The following AKAP13 variants were observed in gnomAD, a reference collection of about 807,000 sequenced individuals.
AKAP13 encodes the protein A-kinase anchoring protein 13.
A neutral mutation model predicts 264.5 loss-of-function variants in AKAP13; 80 were observed. The ratio of observed to expected loss-of-function variants is 0.30; its 90% CI spans 0.25 to 0.36. AKAP13 has a LOEUF of 0.36. Among genes scored for constraint, AKAP13 ranks in the 10% least tolerant of loss-of-function variants. AKAP13 has a pLI of 1.00. For missense variants in AKAP13, 3,712 were observed against 3,435.2 expected (o/e 1.08, Z -2.01); for synonymous variants, 1,380 against 1,250.2 (o/e 1.10, Z -2.19).
rs2086458725 is a variant in AKAP13 at position 85,708,727 on chromosome 15, T to C, written c.5532+641T>C. On this transcript the variant is annotated intron_variant, in intron 18 of 36. Coordinates refer to ENST00000394518, the MANE Select transcript of AKAP13 (RefSeq NM_007200.5). This position sits in a 1 kb window ranked among gnomAD's most constrained non-coding sequence, Gnocchi z 4.3. ...TGAGGTTTTCAATGTTCTAGTCGCC[T>C]GTAAGTGTCTCTTCATTCCTTGTCA... is the stretch of plus-strand genomic sequence containing the variant. 6.6e-6 allele frequency among the ~76,000 whole-genome samples: 1 copy of C among 152,218 alleles called. No individual in the cohort carries two copies. Among genetic ancestry groups the C allele is most frequent in the Admixed American group, 6.5e-5 (1 of 15,282 alleles).
At chr15:85,699,988 G>C (rs1200776178) in intron 17 of AKAP13, among the ~76,000 whole-genome samples, 1 of 152,224 alleles carries the variant, frequency 6.6e-6, no homozygotes, top group African/African-American at 2.4e-5. Context: ...GTTATAATGA[G>C]TGGCTGTACC....
At chr15:85,674,092 C>G (rs1017911842) in intron 14 of AKAP13, among the ~76,000 whole-genome samples, 3 of 151,554 alleles carry the variant, frequency 2.0e-5, no homozygotes, top group African/African-American at 7.3e-5. Context: ...TCCCTGGAAA[C>G]ACATTAGTGG....
intron 2 of AKAP13, among the ~76,000 whole-genome samples, chr15:85,512,651 A>G (rs1466669642): frequency 6.6e-6 from 1 of 152,138 alleles, no homozygotes; most frequent in African/African-American, 2.4e-5. Flanking sequence ...ACTCTCGGCT[A>G]CAGCTTTCTC....
chr15:85,685,594 C>G (rs955059898), intron 16 of AKAP13: 1 of 152,070 alleles, frequency 6.6e-6, no homozygotes, highest in Non-Finnish European at 1.5e-5. Context: ...AAGCAGTTTC[C>G]TGCCTCGCAC....
chr15:85,722,950 C>A, intron 25 of AKAP13, 122 bp from the exon 26 acceptor site: 1 of 1,320,596 alleles, frequency 7.6e-7, no homozygotes. Context: ...GACGTGTTGG[C>A]TTCCCTCTGA....
chr15:85,553,489 C>T (rs766730968), intron 5 of AKAP13, among the ~76,000 whole-genome samples: 1 of 152,318 alleles, frequency 6.6e-6, no homozygotes, highest in Non-Finnish European at 1.5e-5. Context: ...TGCACTATCT[C>T]TTAATATTCA....
intron 1 of AKAP13, among the ~76,000 whole-genome samples, chr15:85,446,655 A>G (rs1364930184): frequency 6.6e-6 from 1 of 152,080 alleles, no homozygotes; most frequent in African/African-American, 2.4e-5. Context: ...TGGTCTGGCC[A>G]AGTAAACATG....
intron 5 of AKAP13, among the ~76,000 whole-genome samples, chr15:85,558,969 C>T (rs1472389413): frequency 6.6e-6 from 1 of 151,782 alleles, no homozygotes; most frequent in Non-Finnish European, 1.5e-5. Context: ...CTTTGCCGTC[C>T]CCTCCCCCTC....
chr15:85,410,359 G>C (rs1274108560), intron 1 of AKAP13, among the ~76,000 whole-genome samples: 2 of 151,712 alleles, frequency 1.3e-5, no homozygotes, highest in East Asian at 3.9e-4. Flanking sequence ...TGGGTCATGA[G>C]AATGGCTTCA....
chr15:85,663,844 T>A (rs2083465739), intron 12 of AKAP13, among the ~76,000 whole-genome samples: 2 of 152,230 alleles, frequency 1.3e-5, no homozygotes, highest in Admixed American at 6.5e-5. Context: ...AAATGCCAAA[T>A]CCTGACTGCC....
chr15:85,467,949 T>C lies in AKAP13; in HGVS notation c.-11-17761T>C, dbSNP rs556745506. ...AGTTGAGGAGGACATTTTTGATGCC[T>C]GATTTCTGATATGTTCAAGTACTCA... is the stretch of plus-strand genomic sequence containing the variant. On this transcript the variant is annotated intron_variant, in intron 1 of 36. Coordinates refer to ENST00000394518, the MANE Select transcript of AKAP13 (RefSeq NM_007200.5). Among the ~76,000 whole-genome samples, 5 of 152,362 alleles carry C rather than the reference T, an allele frequency of 3.3e-5. 1 individual carries two copies. Among genetic ancestry groups the C allele is most frequent in the African/African-American group, 1.2e-4 (5 of 41,586 alleles).
intron 8 of AKAP13, among the ~76,000 whole-genome samples, chr15:85,638,408 T>C (rs927563406): frequency 1.3e-5 from 2 of 152,202 alleles, no homozygotes; most frequent in African/African-American, 4.8e-5. Flanking sequence ...TTTTATGTGA[T>C]AGAATATGAA....
At position 85,650,979 on chromosome 15, in the gene AKAP13, TG is replaced by T. The variant is rs1321335206; in HGVS notation, c.4375-4437del. Among the ~76,000 whole-genome samples, 3 of 151,982 alleles carry T rather than the reference TG, an allele frequency of 2.0e-5. No individual in the cohort carries two copies. The East Asian group carries it at 5.8e-4, about 29-fold the overall frequency. On this transcript the variant is annotated intron_variant, in intron 10 of 36. Transcript: ENST00000394518. ...TTCCAAGGCACATAGTAGAGTGCCT[TG>T]TGTATCATTACAAATAATAATAATA... is the stretch of plus-strand genomic sequence containing the variant.
intron 30 of AKAP13, among the ~76,000 whole-genome samples, chr15:85,732,070 G>A (rs898563315): frequency 1.5e-5 from 2 of 131,378 alleles, no homozygotes; most frequent in South Asian, 5.1e-4. Context: ...GCAACAGAGC[G>A]AGACTATCTC....
At chr15:85,571,974 G>A (rs1275151250) in intron 5 of AKAP13, among the ~76,000 whole-genome samples, 1 of 152,210 alleles carries the variant, frequency 6.6e-6, no homozygotes, top group Non-Finnish European at 1.5e-5. Flanking sequence ...GACAACAAAA[G>A]CACATTCCTC....
chr15:85,394,208 T>C (rs1324432087), intron 1 of AKAP13, among the ~76,000 whole-genome samples: 1 of 152,134 alleles, frequency 6.6e-6, no homozygotes, highest in Non-Finnish European at 1.5e-5. Flanking sequence ...GTAAGAAAAA[T>C]ACAGGTATGC....
chr15:85,742,209 C>CTA (rs1159156944), intron 35 of AKAP13, among the ~76,000 whole-genome samples: 1 of 152,330 alleles, frequency 6.6e-6, no homozygotes, highest in African/African-American at 2.4e-5. Flanking sequence ...CTTCCCTCAG[C>CTA]TAGAGGAGTC....
intron 8 of AKAP13, among the ~76,000 whole-genome samples, chr15:85,610,669 A>G (rs1206280427): frequency 2.0e-5 from 3 of 152,244 alleles, no homozygotes; most frequent in Non-Finnish European, 2.9e-5. Context: ...AACTCTGAAG[A>G]GTTAGTATAC....
chr15:85,406,201 C>T (rs2071653391), intron 1 of AKAP13, among the ~76,000 whole-genome samples: 1 of 152,082 alleles, frequency 6.6e-6, no homozygotes, highest in African/African-American at 2.4e-5. Context: ...AACTATTTCT[C>T]TGGATCTTTG....
Sources: allele counts gnomAD v4.1 joint callset (sites outside exome capture counted in the v4.1 genomes callset), GRCh38; gene constraint gnomAD v4.1.1; non-coding constraint Gnocchi (gnomAD v3.1); transcripts MANE v1.5; gene names NCBI Gene and HGNC (gene_info 2026-07-23, HGNC 2026-07-21).